Variants in DCBLD2 observed in about 807,000 individuals in gnomAD.
DCBLD2 encodes the protein discoidin, CUB and LCCL domain-containing protein 2.
A neutral mutation model predicts 86.8 loss-of-function variants in DCBLD2; 54 were observed. The observed-to-expected ratio is 0.62, with a 90% CI of 0.50 to 0.78. The LOEUF is 0.78. Ranked by LOEUF, DCBLD2 falls within the 30% of genes least tolerant of loss-of-function variation. The probability of loss-of-function intolerance (pLI) is 0.00; values close to 1 mark genes in which losing one functional copy is unlikely to be tolerated. For synonymous variants in DCBLD2, 354 were observed against 341.3 expected, an observed-to-expected ratio of 1.04 and a Z score of -0.41; for missense variants, 908 against 954.2, an observed-to-expected ratio of 0.95 and a Z score of 0.64.
chr3:98,825,576 C>G (rs1472943465), intron 3 of DCBLD2, among the ~76,000 whole-genome samples: 1 of 147,454 alleles, frequency 6.8e-6, no homozygotes, highest in African/African-American at 2.5e-5. Context: ...AATGTCCCCT[C>G]AATACTGTTT....
At chr3:98,875,013 T>TCC (rs1943344798) in intron 2 of DCBLD2, among the ~76,000 whole-genome samples, 1 of 152,210 alleles carries the variant, frequency 6.6e-6, no homozygotes, top group Non-Finnish European at 1.5e-5. Flanking sequence ...CCGGAAAGGA[T>TCC]GCTCACTCTC....
intron 3 of DCBLD2, among the ~76,000 whole-genome samples, chr3:98,843,208 C>A (rs1281414510): frequency 6.6e-6 from 1 of 152,118 alleles, no homozygotes; most frequent in Admixed American, 6.5e-5. Context: ...ATTATACATA[C>A]AAACATTATA....
rs1204614037 is a variant in DCBLD2, at chr3:98,800,799, C to T, written c.1721-83G>A. On this transcript the variant is annotated intron_variant, in intron 14 of 15. Coordinates refer to ENST00000326840, the MANE Select transcript of DCBLD2 (RefSeq NM_080927.4). ...TAGTATCAAGAGAAAAATCCTGTTG[C>T]ATTTAAGCCATTTCTATAACAAATA... 3.2e-6 allele frequency: 5 copies of T among 1,568,684 alleles called. No homozygotes were observed. In the African/African-American group the frequency reaches 6.9e-5, roughly 22 times the overall value.
At chr3:98,809,916 CAA>C (rs1398742222) in intron 12 of DCBLD2, among the ~76,000 whole-genome samples, 2 of 152,130 alleles carry the variant, frequency 1.3e-5, no homozygotes, top group African/African-American at 4.8e-5. Context: ...ATTAGTGAGA[CAA>C]GAGAAGATAA....
At chr3:98,867,522 A>G (rs893924609) in intron 2 of DCBLD2, among the ~76,000 whole-genome samples, 3 of 152,212 alleles carry the variant, frequency 2.0e-5, no homozygotes, top group African/African-American at 4.8e-5. Flanking sequence ...AATCCAATTC[A>G]ATTTTCTAGA....
rs1943846518 is a variant in DCBLD2, at chr3:98,901,261, G to GGCC, written c.63_65dup (p.Ala24dup). 6.5e-7 allele frequency: 1 copy of GGCC among 1,531,058 alleles called. No individual in the cohort carries two copies. Among genetic ancestry groups the GGCC allele is most frequent in the South Asian group, 1.2e-5 (1 of 83,868 alleles). The allele number at this position is 1,531,058 out of a possible 1,614,324, so 94.8% of individuals were successfully genotyped here. A position where few individuals can be genotyped will look rare whatever the true frequency, so the allele number is the denominator to read the frequency against. Reference sequence around the variant, plus strand: ...GGAGCGCGGCCCAGGCGGGGGCGGCGGCCGCGGCCCGGACTTGGGGACACT... The same window carrying GGCC: ...GGAGCGCGGCCCAGGCGGGGGCGGCGGCCGCCGCGGCCCGGACTTGGGGACACT... On this transcript the variant is annotated inframe_insertion, in exon 1 of 16. Transcript: ENST00000326840.
At chr3:98,886,809 C>CTTTTTTTT (rs1553734159) in intron 1 of DCBLD2, among the ~76,000 whole-genome samples, 1 of 121,480 alleles carries the variant, frequency 8.2e-6, no homozygotes. Flanking sequence ...AACCCCCCCC[C>CTTTTTTTT]TTTTTTTTTT....
intron 1 of DCBLD2, among the ~76,000 whole-genome samples, chr3:98,883,816 AT>A (rs1943514723): frequency 6.6e-6 from 1 of 152,182 alleles, no homozygotes; most frequent in South Asian, 2.1e-4. Flanking sequence ...TCTAAACTCA[AT>A]ATGGACACAG....
Position 98,901,368 on chromosome 3 carries a change from G to A in DCBLD2, c.-42C>T. ...CTGCCTGCATAGTGCGGGTGCCTCG[G>A]CAGCCCCGCGCGCCTCTGGCCGCGG... On this transcript the variant is annotated 5_prime_UTR_variant, in exon 1 of 16. Coordinates refer to ENST00000326840, the MANE Select transcript of DCBLD2 (RefSeq NM_080927.4). The A allele has an allele frequency of 7.8e-7, 1 of 1,279,804 alleles. No individual in the cohort carries two copies. The allele number at this position is 1,279,804 out of a possible 1,614,324, so 79.3% of individuals were successfully genotyped here.
intron 2 of DCBLD2, among the ~76,000 whole-genome samples, chr3:98,879,766 T>C (rs1943429322): frequency 6.6e-6 from 1 of 152,190 alleles, no homozygotes; most frequent in Non-Finnish European, 1.5e-5. Context: ...CCTCCTATTT[T>C]TTTAAAATGC....
At chr3:98,849,709 T>C in intron 2 of DCBLD2, 111 bp from the exon 3 acceptor site, 1 of 1,198,412 alleles carries the variant, frequency 8.3e-7, no homozygotes, top group Non-Finnish European at 1.2e-6. Flanking sequence ...GTTAAATTAG[T>C]ATGGAATAAT....
chr3:98,817,927 A>G (rs755056735), intron 8 of DCBLD2, 34 bp from the exon 9 acceptor site: 9 of 1,607,094 alleles, frequency 5.6e-6, no homozygotes, highest in East Asian at 4.5e-5. Flanking sequence ...ATTAATGCAC[A>G]TGGTCTGATT....
chr3:98,823,679 T>A (rs543717675), intron 4 of DCBLD2, among the ~76,000 whole-genome samples: 4 of 152,334 alleles, frequency 2.6e-5, no homozygotes, highest in African/African-American at 7.2e-5. Context: ...TCTAACTTAA[T>A]ACAAGTAACA....
chr3:98,847,521 G>C (rs1054532494), intron 3 of DCBLD2, among the ~76,000 whole-genome samples: 1 of 152,156 alleles, frequency 6.6e-6, no homozygotes, highest in African/African-American at 2.4e-5. Context: ...ACTAAGGAAA[G>C]GCAGGTTCCT....
chr3:98,799,767 T>A lies in DCBLD2; in HGVS notation c.1933A>T (p.Lys645Ter). The change falls in exon 16 of 16, where the codon AAA (lysine) becomes TAA (stop). Residue 645 changes from lysine to a stop codon, truncating the protein, a stop_gained. Coordinates refer to ENST00000326840, the MANE Select transcript of DCBLD2 (RefSeq NM_080927.4). LOFTEE classifies it high-confidence loss of function. ...QRSTFKPEEG[K>*]EAGYADLDPY... is the part of the protein sequence containing the mutation. ...TCTAGGTCTGCATAGCCTGCTTCTT[T>A]TCCTTCTTCTGGTTTAAAGGTAGAT... 1 of 1,613,964 alleles carries A rather than the reference T, an allele frequency of 6.2e-7. No homozygotes were observed. The highest frequency in any genetic ancestry group is 8.5e-7 in the Non-Finnish European group (1 of 1,179,876).
chr3:98,901,299 T>C lies in DCBLD2; in HGVS notation c.28A>G (p.Arg10Gly). The C allele has an allele frequency of 1.3e-6, 2 of 1,497,632 alleles. No homozygotes were observed. Among genetic ancestry groups the C allele is most frequent in the Non-Finnish European group, 1.8e-6 (2 of 1,130,874 alleles). The allele number at this position is 1,497,632 out of a possible 1,614,324, so 92.8% of individuals were successfully genotyped here. A position where few individuals can be genotyped will look rare whatever the true frequency, so the allele number is the denominator to read the frequency against. MASRAVVRARRCPQCPQVRA... is the reference protein window; with the variant it reads MASRAVVRAGRCPQCPQVRA... ...ACTTGGGGACACTGCGGGCAGCGCC[T>C]GGCTCTCACCACCGCCCGGCTCGCC... Residue 10 changes from arginine (R) to glycine (G), a missense_variant, in exon 1 of 16, where the codon AGG becomes GGG. Physicochemically the swap from Arg to Gly is moderately radical, Grantham distance 125 (BLOSUM62 -2). Coordinates refer to ENST00000326840, the MANE Select transcript of DCBLD2 (RefSeq NM_080927.4).
intron 1 of DCBLD2, among the ~76,000 whole-genome samples, chr3:98,893,131 A>C (rs546710782): frequency 2.0e-5 from 3 of 152,314 alleles, no homozygotes; most frequent in East Asian, 3.9e-4. Context: ...GAAACATATA[A>C]AAATGGAAAT....
chr3:98,841,219 G>T (rs1942613643), intron 3 of DCBLD2, among the ~76,000 whole-genome samples: 1 of 152,142 alleles, frequency 6.6e-6, no homozygotes. Context: ...GAGCAGGAGA[G>T]AATACAAATG....
intron 2 of DCBLD2, among the ~76,000 whole-genome samples, chr3:98,850,600 T>C (rs1942817543): frequency 6.6e-6 from 1 of 152,338 alleles, no homozygotes; most frequent in Admixed American, 6.5e-5. Context: ...CTTGGTAACT[T>C]GTGTAAGAAA....
Sources: allele counts gnomAD v4.1 joint callset (sites outside exome capture counted in the v4.1 genomes callset), GRCh38; gene constraint gnomAD v4.1.1; transcripts MANE v1.5; gene names NCBI Gene and HGNC (gene_info 2026-07-23, HGNC 2026-07-21).